DLGAP2: variants seen among roughly 807,000 people sequenced by gnomAD.
DLGAP2 encodes the protein disks large-associated protein 2.
Under a neutral mutation model 100.3 loss-of-function variants are expected in DLGAP2, and 26 were observed. The ratio of observed to expected loss-of-function variants is 0.26; its 90% CI spans 0.19 to 0.36. The LOEUF is 0.36. Among genes scored for constraint, DLGAP2 ranks in the 10% least tolerant of loss-of-function variants. The probability of loss-of-function intolerance (pLI) is 1.00; values close to 1 mark genes in which losing one functional copy is unlikely to be tolerated. For synonymous variants in DLGAP2, 886 were observed against 630.1 expected (o/e 1.41, Z -6.08); for missense variants, 1,858 against 1,453.2 (o/e 1.28, Z -4.53).
intron 3 of DLGAP2, among the ~76,000 whole-genome samples, chr8:1,344,136 G>GTGTACTCGGGTCCCTGTCGTGAGTCCA (rs1563095054): frequency 2.1e-5 from 3 of 140,992 alleles, no homozygotes; most frequent in Non-Finnish European, 4.6e-5. Flanking sequence ...TCGTGGGTCC[G>GTGTACTCGGGTCCCTGTCGTGAGTCCA]TGTACTCGGG....
chr8:1,638,299 T>C (rs907125630), intron 8 of DLGAP2, among the ~76,000 whole-genome samples: 1 of 152,072 alleles, frequency 6.6e-6, no homozygotes, highest in Admixed American at 6.5e-5. Flanking sequence ...CCAAATCCAA[T>C]CTGTCCGGTG....
intron 1 of DLGAP2, among the ~76,000 whole-genome samples, chr8:772,979 C>T (rs961032371): frequency 6.6e-6 from 1 of 152,158 alleles, no homozygotes; most frequent in Non-Finnish European, 1.5e-5. Context: ...CAGGACCTTC[C>T]AGATTGTTCT....
At chr8:1,510,251 G>T (rs1278463065) in intron 4 of DLGAP2, among the ~76,000 whole-genome samples, 2 of 152,230 alleles carry the variant, frequency 1.3e-5, no homozygotes, top group Non-Finnish European at 2.9e-5. Context: ...GCGATAACTT[G>T]CTGATGTGTT....
chr8:758,721 C>G (rs540814970), intron 1 of DLGAP2, among the ~76,000 whole-genome samples: 1 of 152,160 alleles, frequency 6.6e-6, no homozygotes, highest in African/African-American at 2.4e-5. Flanking sequence ...ACCACCACAC[C>G]TGGCTAATTT....
chr8:1,593,530 G>A (rs865977332), intron 6 of DLGAP2, among the ~76,000 whole-genome samples: 2 of 152,104 alleles, frequency 1.3e-5, no homozygotes, highest in South Asian at 2.1e-4. Flanking sequence ...TGCACCTTGG[G>A]AAAATACAAA....
chr8:1,029,216 G>C (rs1385534911), intron 2 of DLGAP2, among the ~76,000 whole-genome samples: 1 of 152,192 alleles, frequency 6.6e-6, no homozygotes, highest in Non-Finnish European at 1.5e-5. Context: ...GCCTGCACTG[G>C]AACCGCTTGG....
At chr8:1,326,620 C>T (rs1169119096) in intron 3 of DLGAP2, among the ~76,000 whole-genome samples, 1 of 152,108 alleles carries the variant, frequency 6.6e-6, no homozygotes, top group East Asian at 1.9e-4. Flanking sequence ...CAGTCTTGGT[C>T]TGGGCCTGTC....
At chr8:1,062,551 G>A (rs1481605313) in intron 2 of DLGAP2, among the ~76,000 whole-genome samples, 1 of 152,180 alleles carries the variant, frequency 6.6e-6, no homozygotes, top group Non-Finnish European at 1.5e-5. Context: ...CCCTGGTGCG[G>A]TGGCATCAGG....
chr8:913,543 A>G (rs1045042319), intron 2 of DLGAP2, among the ~76,000 whole-genome samples: 1 of 152,234 alleles, frequency 6.6e-6, no homozygotes, highest in Non-Finnish European at 1.5e-5. Context: ...TATGTAGACA[A>G]TGACATTGTT....
At chr8:1,496,184 C>G (rs964824084) in intron 3 of DLGAP2, among the ~76,000 whole-genome samples, 1 of 152,172 alleles carries the variant, frequency 6.6e-6, no homozygotes, top group Non-Finnish European at 1.5e-5. Flanking sequence ...CTCTCTTCTG[C>G]CTCTTCATTG....
intron 2 of DLGAP2, among the ~76,000 whole-genome samples, chr8:1,176,783 A>T (rs1401038870): frequency 1.3e-5 from 2 of 152,124 alleles, no homozygotes; most frequent in Admixed American, 6.5e-5. Flanking sequence ...CTGTGGAAAG[A>T]GGTCTCGGTT....
chr8:1,252,699 C>G (rs1184626758), intron 2 of DLGAP2, among the ~76,000 whole-genome samples: 1 of 152,256 alleles, frequency 6.6e-6, no homozygotes, highest in East Asian at 1.9e-4. Flanking sequence ...CGCCGGGTGT[C>G]ATGGCTGGGC....
chr8:1,360,788 G>A (rs1212011104), intron 3 of DLGAP2, among the ~76,000 whole-genome samples: 4 of 152,142 alleles, frequency 2.6e-5, no homozygotes, highest in African/African-American at 7.2e-5. Flanking sequence ...GGCCTGACAC[G>A]GTTGCCCAGA....
intron 1 of DLGAP2, among the ~76,000 whole-genome samples, chr8:894,929 C>T (rs1362258609): frequency 6.7e-4 from 62 of 92,072 alleles, no homozygotes; most frequent in African/African-American, 2.4e-3. Context: ...AGTGGAGTGG[C>T]GGTTGGCAGG....
chr8:1,084,536 A>C (rs1803911846), intron 2 of DLGAP2, among the ~76,000 whole-genome samples: 1 of 152,048 alleles, frequency 6.6e-6, no homozygotes, highest in African/African-American at 2.4e-5. Flanking sequence ...CTCCCTCCCC[A>C]CATCCCCCAG....
chr8:1,458,588 G>A (rs920878902), intron 3 of DLGAP2, among the ~76,000 whole-genome samples: 3 of 152,188 alleles, frequency 2.0e-5, no homozygotes, highest in Admixed American at 6.5e-5. Context: ...CTGCAAAGTG[G>A]TGTGTAAATG....
At chr8:1,054,964 A>G (rs1368149416) in intron 2 of DLGAP2, among the ~76,000 whole-genome samples, 1 of 152,260 alleles carries the variant, frequency 6.6e-6, no homozygotes. Flanking sequence ...GTTTTTCCTC[A>G]TGAAGCAATA....
chr8:774,839 T>C (rs1330289541), intron 1 of DLGAP2, among the ~76,000 whole-genome samples: 1 of 146,842 alleles, frequency 6.8e-6, no homozygotes, highest in Non-Finnish European at 1.5e-5. Context: ...CGGGCTCTTT[T>C]TTGGTTCCAT....
At chr8:1,169,871 T>G (rs1271922568) in intron 2 of DLGAP2, among the ~76,000 whole-genome samples, 1 of 151,936 alleles carries the variant, frequency 6.6e-6, no homozygotes, top group Non-Finnish European at 1.5e-5. Context: ...GAATAACCTT[T>G]ATTTCCTTCT....
Sources: allele counts gnomAD v4.1 joint callset (sites outside exome capture counted in the v4.1 genomes callset), GRCh38; gene constraint gnomAD v4.1.1; transcripts MANE v1.5; gene names NCBI Gene and HGNC (gene_info 2026-07-23, HGNC 2026-07-21).